WASF2: variants seen among roughly 807,000 people sequenced by gnomAD.
WASF2 encodes the protein actin-binding protein WASF2.
A neutral mutation model predicts 45.0 loss-of-function variants in WASF2; 14 were observed. The observed-to-expected ratio is 0.31, with a 90% CI of 0.21 to 0.49. WASF2 has a LOEUF of 0.49. Among genes scored for constraint, WASF2 ranks in the 20% least tolerant of loss-of-function variants. WASF2 has a pLI of 0.99. For synonymous variants in WASF2, 200 were observed against 236.3 expected, an observed-to-expected ratio of 0.85 and a Z score of 1.41; for missense variants, 439 against 636.1, an observed-to-expected ratio of 0.69 and a Z score of 3.33.
At chr1:27,456,761 G>GTC (rs931698300) in intron 1 of WASF2, among the ~76,000 whole-genome samples, 32 of 144,412 alleles carry the variant, frequency 2.2e-4, no homozygotes, top group African/African-American at 7.7e-4. Flanking sequence ...TGGAGACAGA[G>GTC]TCTCATTCTG....
intron 1 of WASF2, among the ~76,000 whole-genome samples, chr1:27,453,630 C>T (rs992727341): frequency 4.7e-5 from 7 of 148,704 alleles, no homozygotes; most frequent in African/African-American, 1.2e-4. Context: ...CGGTGGCTCA[C>T]GCCTGTAATC....
At chr1:27,443,745 T>C (rs1557608097) in intron 1 of WASF2, among the ~76,000 whole-genome samples, 1 of 152,006 alleles carries the variant, frequency 6.6e-6, no homozygotes, top group African/African-American at 2.4e-5. Flanking sequence ...ATCCATAAAA[T>C]AGGGAAAATA....
intron 1 of WASF2, among the ~76,000 whole-genome samples, chr1:27,443,277 C>G (rs2017267006): frequency 7.1e-6 from 1 of 140,476 alleles, no homozygotes; most frequent in Non-Finnish European, 1.5e-5. Flanking sequence ...AAGAGGCCCA[C>G]CCAGGCAACA....
intron 2 of WASF2, among the ~76,000 whole-genome samples, chr1:27,419,722 C>T (rs1216659192): frequency 6.6e-6 from 1 of 152,112 alleles, no homozygotes; most frequent in Non-Finnish European, 1.5e-5. Context: ...GGACGTTCTA[C>T]GTATCTAAAA....
chr1:27,488,745 C>T (rs1557627292), intron 1 of WASF2, among the ~76,000 whole-genome samples: 1 of 152,208 alleles, frequency 6.6e-6, no homozygotes, highest in African/African-American at 2.4e-5. Flanking sequence ...CCTCTGCCCC[C>T]ATTTGTAACA....
chr1:27,410,767 G>A lies in WASF2; in HGVS notation c.825-561C>T, dbSNP rs1414161332. 1.3e-5 allele frequency among the ~76,000 whole-genome samples: 2 copies of A among 152,248 alleles called. No homozygotes were observed. The highest frequency in any genetic ancestry group is 2.9e-5 in the Non-Finnish European group (2 of 68,048). On this transcript the variant is annotated intron_variant, in intron 7 of 8. Coordinates refer to ENST00000618852, the MANE Select transcript of WASF2 (RefSeq NM_006990.5). The surrounding 1 kb of genome is among the most constrained non-coding windows in gnomAD (Gnocchi z 4.2). ...ATAGATTTAGGTGAATGCATCTTCA[G>A]TGCTCATGTGGGGAAATCTTGAGAG...
chr1:27,465,796 C>T (rs1481139481), intron 1 of WASF2, among the ~76,000 whole-genome samples: 1 of 152,148 alleles, frequency 6.6e-6, no homozygotes, highest in Non-Finnish European at 1.5e-5. Flanking sequence ...GGTCTCTAAA[C>T]ACAATATCGC....
chr1:27,443,767 A>C (rs1435548044), intron 1 of WASF2, among the ~76,000 whole-genome samples: 1 of 151,946 alleles, frequency 6.6e-6, no homozygotes, highest in Non-Finnish European at 1.5e-5. Context: ...AAACTACCTT[A>C]TACTATAGTT....
intron 8 of WASF2, among the ~76,000 whole-genome samples, chr1:27,408,984 A>G (rs2016717044): frequency 6.6e-6 from 1 of 152,142 alleles, no homozygotes; most frequent in Non-Finnish European, 1.5e-5. Context: ...AGGACCCACT[A>G]GGACAGTGAT....
At chr1:27,489,161 C>G (rs1334244233) in intron 1 of WASF2, among the ~76,000 whole-genome samples, 1 of 151,814 alleles carries the variant, frequency 6.6e-6, no homozygotes, top group Non-Finnish European at 1.5e-5. Context: ...CCCAGCTCAC[C>G]CCATCATGGT....
intron 1 of WASF2, among the ~76,000 whole-genome samples, chr1:27,457,005 G>C (rs1054380795): frequency 1.3e-5 from 2 of 151,928 alleles, no homozygotes; most frequent in African/African-American, 4.8e-5. Flanking sequence ...GCCCCCCAAA[G>C]TGCTGGGATT....
intron 7 of WASF2, among the ~76,000 whole-genome samples, chr1:27,411,170 C>T (rs1353229181): frequency 6.6e-6 from 1 of 152,150 alleles, no homozygotes. Flanking sequence ...GGTCTCCATC[C>T]GAGGGGTCCT....
Position 27,405,974 on chromosome 1 carries a change from C to T in WASF2, c.*2215G>A, listed in dbSNP as rs1445530913. ...ATTCCAGAAGCCAGGCCAACACCGC[C>T]CCCTTCAAGGTCAGAGCAGAATGAC... On this transcript the variant is annotated 3_prime_UTR_variant, in exon 9 of 9. Transcript: ENST00000618852. 6.6e-6 allele frequency: 1 copy of T among 152,528 alleles called. No homozygotes were observed. The highest frequency in any genetic ancestry group is 1.9e-4 in the East Asian group (1 of 5,168). 9.4% of individuals were successfully genotyped at this position (152,528 alleles called of 1,614,324 possible).
intron 5 of WASF2, 108 bp downstream of exon 5, chr1:27,415,877 A>C (rs1030344351): frequency 1.1e-6 from 1 of 906,774 alleles, no homozygotes; most frequent in African/African-American, 1.7e-5. Context: ...CTGGCATCCA[A>C]GCAAGCAGCC....
At chr1:27,462,040 C>T (rs539201216) in intron 1 of WASF2, among the ~76,000 whole-genome samples, 19 of 147,544 alleles carry the variant, frequency 1.3e-4, no homozygotes, top group Admixed American at 2.1e-4. Flanking sequence ...TGCAGTGGTG[C>T]GATCTCGGAT....
intron 1 of WASF2, among the ~76,000 whole-genome samples, chr1:27,443,795 T>C (rs776320703): frequency 6.6e-6 from 1 of 151,966 alleles, no homozygotes; most frequent in Non-Finnish European, 1.5e-5. Context: ...TTTATTTATT[T>C]AGAGACAGAG....
chr1:27,434,576 T>C (rs1279670958), intron 1 of WASF2, among the ~76,000 whole-genome samples: 2 of 152,172 alleles, frequency 1.3e-5, no homozygotes, highest in East Asian at 3.8e-4. Context: ...CTGTGAGATC[T>C]AGAATGGCCC....
chr1:27,438,953 C>T (rs1019617260), intron 1 of WASF2, among the ~76,000 whole-genome samples: 4 of 152,208 alleles, frequency 2.6e-5, no homozygotes, highest in African/African-American at 7.2e-5. Context: ...TCAGTCAGCA[C>T]TCAAAGCATG....
Position 27,427,627 on chromosome 1 carries a change from G to C in WASF2, c.130+1134C>G, listed in dbSNP as rs200819974. ...CTGGATCAACTGAGATGATCCCTGA[G>C]GTAGGTGAAGGCTTAGGAATCTCAG... On this transcript the variant is annotated intron_variant, in intron 2 of 8. Coordinates refer to ENST00000618852, the MANE Select transcript of WASF2 (RefSeq NM_006990.5). 2.0e-5 allele frequency among the ~76,000 whole-genome samples: 3 copies of C among 152,146 alleles called. No individual in the cohort carries two copies. The East Asian group carries it at 5.8e-4, about 29-fold the overall frequency.
Sources: gnomAD v4.1 joint callset for allele counts (sites outside exome capture counted in the v4.1 genomes callset) on GRCh38, gnomAD v4.1.1 for gene constraint, Gnocchi (gnomAD v3.1) non-coding constraint, MANE v1.5 for transcripts, NCBI Gene and HGNC (gene_info 2026-07-23, HGNC 2026-07-21) for gene names.